Variants in PREX1 observed in about 807,000 individuals in gnomAD.
PREX1 encodes phosphatidylinositol 3,4,5-trisphosphate-dependent Rac exchanger 1 protein.
Under a neutral mutation model 198.3 loss-of-function variants are expected in PREX1, and 41 were observed. The ratio of observed to expected loss-of-function variants is 0.21; its 90% CI spans 0.16 to 0.27. The LOEUF is 0.27. Among genes scored for constraint, PREX1 ranks in the 10% least tolerant of loss-of-function variants. PREX1 has a pLI of 1.00. For synonymous variants in PREX1, 843 were observed against 887.2 expected (o/e 0.95, Z 0.89); for missense variants, 1,620 against 2,200.7 (o/e 0.74, Z 5.28).
chr20:48,734,630 G>A lies in PREX1; in HGVS notation c.435C>T (p.Tyr145=), dbSNP rs778711279. ...FLKFKDKFCV[Y]EEYCSNHEKA... is the part of the protein sequence containing the mutation. ...TCTCATGGTTGCTGCAATACTCCTCGTACACGCAGAACTTGTCCTTCTGCA... is the reference window on the plus strand; with the variant it reads ...TCTCATGGTTGCTGCAATACTCCTCATACACGCAGAACTTGTCCTTCTGCA... Residue 145 remains tyrosine (Y), a synonymous_variant, in exon 4 of 40, where the codon TAC becomes TAT. Transcript: ENST00000371941. 4.3e-6 allele frequency: 7 copies of A among 1,613,940 alleles called. No individual in the cohort carries two copies. The highest frequency in any genetic ancestry group is 2.2e-5 in the South Asian group (2 of 91,072).
At chr20:48,855,888 G>A in the PREX1 span, among the ~76,000 whole-genome samples, 3 of 152,168 alleles carry the variant, frequency 2.0e-5, no homozygotes, top group African/African-American at 4.8e-5. Context: ...GCGATAGAGC[G>A]AGAGACTCTG....
At chr20:48,757,009 A>T (rs1272966170) in intron 1 of PREX1, among the ~76,000 whole-genome samples, 2 of 152,128 alleles carry the variant, frequency 1.3e-5, no homozygotes, top group Non-Finnish European at 2.9e-5. Context: ...CGGCATGGGA[A>T]AGACCCGCCC....
chr20:48,726,675 GA>G (rs2090012029), intron 4 of PREX1, among the ~76,000 whole-genome samples: 1 of 151,934 alleles, frequency 6.6e-6, no homozygotes, highest in East Asian at 1.9e-4. Flanking sequence ...AGTTGTTGGG[GA>G]AAAAAAGGCC....
At chr20:48,721,856 T>G (rs2089987754) in intron 5 of PREX1, among the ~76,000 whole-genome samples, 1 of 151,826 alleles carries the variant, frequency 6.6e-6, no homozygotes, top group African/African-American at 2.4e-5. Context: ...CGACAGGACC[T>G]CCTCATGGCG....
chr20:48,662,239 A>T (rs1292223135), intron 15 of PREX1, among the ~76,000 whole-genome samples: 2 of 152,180 alleles, frequency 1.3e-5, no homozygotes, highest in East Asian at 3.9e-4. Context: ...CTTCGACTCC[A>T]CTATAAACAT....
intron 1 of PREX1, among the ~76,000 whole-genome samples, chr20:48,761,800 C>T (rs2090181715): frequency 6.6e-6 from 1 of 152,198 alleles, no homozygotes; most frequent in South Asian, 2.1e-4. Flanking sequence ...AAACTGGTAA[C>T]TCAGAGGCAT....
At chr20:48,771,343 A>G (rs2090234890) in intron 1 of PREX1, among the ~76,000 whole-genome samples, 1 of 151,328 alleles carries the variant, frequency 6.6e-6, no homozygotes, top group Non-Finnish European at 1.5e-5. Context: ...TTTTCCCCCC[A>G]TGCTTAGGAT....
intron 4 of PREX1, among the ~76,000 whole-genome samples, chr20:48,728,644 T>C (rs779811235): frequency 2.6e-5 from 4 of 152,172 alleles, no homozygotes; most frequent in African/African-American, 2.4e-5. Context: ...CCTGGTGATG[T>C]CAGCTCTGGG....
At chr20:48,635,190 T>C (rs2089352802) in intron 32 of PREX1, among the ~76,000 whole-genome samples, 2 of 152,108 alleles carry the variant, frequency 1.3e-5, no homozygotes, top group Admixed American at 1.3e-4. Flanking sequence ...GACTTCTCAG[T>C]TTCTCTCCCG....
intron 15 of PREX1, among the ~76,000 whole-genome samples, chr20:48,665,025 TGAATTCTAATCCCGACTCCAGAC>T (rs1601059053): frequency 7.1e-6 from 1 of 141,318 alleles, no homozygotes; most frequent in South Asian, 2.3e-4. Flanking sequence ...CCAGACGGCC[TGAATTCTAATCCCGACTCCAGAC>T]GGCCTGAATT....
At chr20:48,690,724 C>G (rs1352329580) in intron 9 of PREX1, among the ~76,000 whole-genome samples, 2 of 152,186 alleles carry the variant, frequency 1.3e-5, no homozygotes, top group Non-Finnish European at 2.9e-5. Context: ...GGGCAAGACC[C>G]TTCTTTTGGG....
chr20:48,832,157 GATA>G (rs2090538591), upstream of PREX1, among the ~76,000 whole-genome samples: 1 of 151,726 alleles, frequency 6.6e-6, no homozygotes, highest in East Asian at 1.9e-4. Flanking sequence ...AAAAAGTGAT[GATA>G]ATGATAGGGA....
At chr20:48,692,532 C>T in intron 8 of PREX1, 140 bp downstream of exon 8, 1 of 634,024 alleles carries the variant, frequency 1.6e-6, no homozygotes, top group Non-Finnish European at 2.7e-6. Context: ...TCGCTTCATG[C>T]ATCTATGCTC....
chr20:48,759,014 C>G (rs1366060372), intron 1 of PREX1, among the ~76,000 whole-genome samples: 1 of 152,098 alleles, frequency 6.6e-6, no homozygotes, highest in Admixed American at 6.6e-5. Flanking sequence ...CTCAGAAGCC[C>G]TCCCTACCCT....
chr20:48,662,210 G>C (rs956426491), intron 15 of PREX1, among the ~76,000 whole-genome samples: 1 of 152,210 alleles, frequency 6.6e-6, no homozygotes, highest in Non-Finnish European at 1.5e-5. Context: ...TGGGGAGCCA[G>C]GCACCAGGGG....
intron 19 of PREX1, 96 bp from the exon 20 acceptor site, chr20:48,653,593 A>G (rs1315633613): frequency 1.4e-6 from 2 of 1,465,302 alleles, no homozygotes; most frequent in Non-Finnish European, 9.3e-7. Context: ...AACCCCAGAC[A>G]CGCGCAAGGA....
intron 7 of PREX1, 23 bp downstream of exon 7, chr20:48,700,730 A>T: frequency 6.2e-7 from 1 of 1,612,120 alleles, no homozygotes; most frequent in Non-Finnish European, 8.5e-7. Context: ...GCCAGACCCC[A>T]TCCCAGCCTC....
At chr20:48,637,812 G>A in intron 30 of PREX1, 60 bp from the exon 31 acceptor site, 1 of 1,477,640 alleles carries the variant, frequency 6.8e-7, no homozygotes, top group Non-Finnish European at 9.3e-7. Context: ...AAGAGGTGAG[G>A]GCAGAACCGG....
intron 1 of PREX1, among the ~76,000 whole-genome samples, chr20:48,825,895 TG>T (rs1262308446): frequency 8.6e-6 from 1 of 116,778 alleles, no homozygotes; most frequent in African/African-American, 3.4e-5. Context: ...GAAGAAGGGA[TG>T]GGAAAGAAAG....
Sources: allele counts gnomAD v4.1 joint callset (sites outside exome capture counted in the v4.1 genomes callset), GRCh38; gene constraint gnomAD v4.1.1; transcripts MANE v1.5; gene names NCBI Gene and HGNC (gene_info 2026-07-23, HGNC 2026-07-21).